RSRC1: variants seen among roughly 807,000 people sequenced by gnomAD.
RSRC1 encodes serine/Arginine-related protein 53.
In RSRC1, 39 loss-of-function variants were observed where a neutral mutation model predicts 49.1. The ratio of observed to expected loss-of-function variants is 0.79; its 90% CI spans 0.61 to 1.04. The LOEUF (loss-of-function observed/expected upper bound fraction) is 1.04. Ranked by LOEUF, RSRC1 falls within the 50% of genes least tolerant of loss-of-function variation. RSRC1 has a pLI of 0.00. For synonymous variants in RSRC1, 143 were observed against 130.8 expected (o/e 1.09, Z -0.63); for missense variants, 388 against 402.4 (o/e 0.96, Z 0.31).
At chr3:158,475,345 A>G (rs1470769577) in intron 7 of RSRC1, among the ~76,000 whole-genome samples, 1 of 152,204 alleles carries the variant, frequency 6.6e-6, no homozygotes, top group East Asian at 1.9e-4. Context: ...TCTAGTGGAA[A>G]GAGACAGATA....
intron 6 of RSRC1, among the ~76,000 whole-genome samples, chr3:158,412,298 T>A (rs767699410): frequency 2.6e-5 from 4 of 152,146 alleles, no homozygotes; most frequent in Non-Finnish European, 5.9e-5. Context: ...TTGATTCTTA[T>A]GTGATAATTC....
chr3:158,298,150 C>A, intron 5 of RSRC1, 75 bp downstream of exon 5: 1 of 1,067,406 alleles, frequency 9.4e-7, no homozygotes, highest in Non-Finnish European at 1.4e-6. Flanking sequence ...TTTGAATGAG[C>A]TTTGAATACT....
intron 6 of RSRC1, among the ~76,000 whole-genome samples, chr3:158,406,245 G>C (rs1734158497): frequency 6.6e-6 from 1 of 151,884 alleles, no homozygotes; most frequent in Non-Finnish European, 1.5e-5. Context: ...TTAACTACTT[G>C]AGAAAAAAGA....
At chr3:158,324,506 G>A (rs1284185204) in intron 5 of RSRC1, among the ~76,000 whole-genome samples, 1 of 152,076 alleles carries the variant, frequency 6.6e-6, no homozygotes, top group African/African-American at 2.4e-5. Context: ...TCTTGAGATA[G>A]TTTGCTGAGA....
Position 158,339,160 on chromosome 3 carries a change from C to T in RSRC1, c.532-15697C>T, listed in dbSNP as rs967192768. On this transcript the variant is annotated intron_variant, in intron 5 of 9. Transcript: ENST00000611884. ...ACAAAAAATTAGCCGGGCGCGGTGG[C>T]GGGCGCCTGTAGTCCCAGCTATTCT... Among the ~76,000 whole-genome samples the T allele has an allele frequency of 4.0e-5, 6 of 151,882 alleles. No individual in the cohort carries two copies. In the South Asian group the frequency reaches 8.3e-4, roughly 21 times the overall value.
chr3:158,539,061 C>T lies in RSRC1; in HGVS notation c.759+1863C>T. Among the ~76,000 whole-genome samples the T allele has an allele frequency of 6.6e-6, 1 of 151,758 alleles. No homozygotes were observed. Among genetic ancestry groups the T allele is most frequent in the East Asian group, 1.9e-4 (1 of 5,182 alleles). On this transcript the variant is annotated intron_variant, in intron 8 of 9. Transcript: ENST00000611884. The surrounding 1 kb of genome is among the most constrained non-coding windows in gnomAD (Gnocchi z 4.1). ...AAATTATCTTGTGGACCCTTTTATC[C>T]AGATCATGGAAGGATATGATGGACT...
chr3:158,439,911 G>A (rs766256155), intron 6 of RSRC1, among the ~76,000 whole-genome samples: 48 of 152,078 alleles, frequency 3.2e-4, no homozygotes, highest in Non-Finnish European at 6.0e-4. Flanking sequence ...GAGTTAAGAA[G>A]AGAGACTCAA....
intron 7 of RSRC1, among the ~76,000 whole-genome samples, chr3:158,477,404 G>C (rs1738413133): frequency 2.0e-5 from 3 of 152,088 alleles, no homozygotes; most frequent in Admixed American, 1.3e-4. Context: ...AATGGCCATA[G>C]CCACACTAGC....
At chr3:158,198,795 C>T (rs762692369) in intron 3 of RSRC1, among the ~76,000 whole-genome samples, 1 of 152,096 alleles carries the variant, frequency 6.6e-6, no homozygotes, top group Non-Finnish European at 1.5e-5. Context: ...CGTATTCGGC[C>T]ATCTTGGCTC....
intron 6 of RSRC1, among the ~76,000 whole-genome samples, chr3:158,427,107 T>C (rs996403578): frequency 6.6e-6 from 1 of 151,742 alleles, no homozygotes; most frequent in Non-Finnish European, 1.5e-5. Flanking sequence ...GAGATACTTC[T>C]TGCCTGTGTA....
intron 4 of RSRC1, among the ~76,000 whole-genome samples, chr3:158,215,469 A>G (rs1288840484): frequency 6.6e-6 from 1 of 151,652 alleles, no homozygotes; most frequent in Non-Finnish European, 1.5e-5. Context: ...TGGTGTGTTT[A>G]CATGACTCAC....
In RSRC1 at chr3:158,164,333, T is replaced by A. The variant is rs532590905; in HGVS notation, c.321-38739T>A. 2.5e-3 allele frequency among the ~76,000 whole-genome samples: 381 copies of A among 152,094 alleles called. 3 individuals carry two copies. Among genetic ancestry groups the A allele is most frequent in the East Asian group, 0.021 (107 of 5,188 alleles). On this transcript the variant is annotated intron_variant, in intron 3 of 9. Coordinates refer to ENST00000611884, the MANE Select transcript of RSRC1 (RefSeq NM_001271838.2). The stretch of plus-strand genomic sequence containing the variant: ...ACACTGATAACTGTTCTTTTTTTTT[T>A]AAAACAAGATTTTACTTGATTTTCC...
At chr3:158,330,890 A>T (rs908315439) in intron 5 of RSRC1, among the ~76,000 whole-genome samples, 4 of 2,074 alleles carry the variant, frequency 1.9e-3, no homozygotes, top group African/African-American at 2.2e-3. Context: ...TAACTTATTA[A>T]AAAAAAAAAA....
rs775736592 is a variant in RSRC1, at chr3:158,349,691, C to CTTTTTTTTTTTTTT, written c.532-5155_532-5142dup. On this transcript the variant is annotated intron_variant, in intron 5 of 9. Transcript: ENST00000611884. ...AAAAGTTTACATTATTCTTACTGCCCTTTTTTTTTTTTTTTTTTTTTTTTG... is the reference window on the plus strand; with the variant it reads ...AAAAGTTTACATTATTCTTACTGCCCTTTTTTTTTTTTTTTTTTTTTTTTTTTTTTTTTTTTTTG... 2.7e-5 allele frequency among the ~76,000 whole-genome samples: 2 copies of CTTTTTTTTTTTTTT among 74,852 alleles called. 1 individual carries two copies. Among genetic ancestry groups the CTTTTTTTTTTTTTT allele is most frequent in the African/African-American group, 1.1e-4 (2 of 18,014 alleles). The allele number at this position is 74,852 out of a possible 152,430, so 49.1% of individuals were successfully genotyped here. A position where few individuals can be genotyped will look rare whatever the true frequency, so the allele number is the denominator to read the frequency against.
At chr3:158,111,298 T>C (rs1403470948) in intron 1 of RSRC1, among the ~76,000 whole-genome samples, 6 of 152,228 alleles carry the variant, frequency 3.9e-5, no homozygotes, top group African/African-American at 9.6e-5. Context: ...TATAACACTT[T>C]ATGTTTTTCA....
At chr3:158,282,811 C>A (rs546797229) in intron 4 of RSRC1, among the ~76,000 whole-genome samples, 1 of 152,108 alleles carries the variant, frequency 6.6e-6, no homozygotes, top group African/African-American at 2.4e-5. Flanking sequence ...AGAAGAGTTA[C>A]ATATTGGCAG....
At chr3:158,277,015 G>A (rs865933362) in intron 4 of RSRC1, among the ~76,000 whole-genome samples, 10 of 152,084 alleles carry the variant, frequency 6.6e-5, no homozygotes, top group African/African-American at 2.4e-4. Flanking sequence ...GGGCTAAACA[G>A]TATATATATA....
chr3:158,308,480 G>A (rs1353662066), intron 5 of RSRC1, among the ~76,000 whole-genome samples: 2 of 151,932 alleles, frequency 1.3e-5, no homozygotes, highest in Non-Finnish European at 2.9e-5. Context: ...AAATGATGTA[G>A]TAATTTGACT....
intron 5 of RSRC1, among the ~76,000 whole-genome samples, chr3:158,345,984 G>C (rs1280505116): frequency 1.3e-5 from 2 of 151,830 alleles, no homozygotes; most frequent in Non-Finnish European, 2.9e-5. Context: ...AATAAAAAAG[G>C]TTTTCAGTGC....
Sources: allele counts gnomAD v4.1 joint callset (sites outside exome capture counted in the v4.1 genomes callset), GRCh38; gene constraint gnomAD v4.1.1; non-coding constraint Gnocchi (gnomAD v3.1); transcripts MANE v1.5; gene names NCBI Gene and HGNC (gene_info 2026-07-23, HGNC 2026-07-21).